ARHGAP32: variants seen among roughly 807,000 people sequenced by gnomAD.
The protein encoded by ARHGAP32 is Rho GTPase activating protein 32, also known as rho GTPase-activating protein 32.
A neutral mutation model predicts 186.5 loss-of-function variants in ARHGAP32; 51 were observed. The observed-to-expected ratio is 0.27, with a 90% CI of 0.22 to 0.35. ARHGAP32 has a LOEUF of 0.35. ARHGAP32 is among the 10% of genes least tolerant of loss of function. ARHGAP32 has a pLI of 1.00. For missense variants in ARHGAP32, 2,186 were observed against 2,623.5 expected, an observed-to-expected ratio of 0.83 and a Z score of 3.64; for synonymous variants, 950 against 964.3, an observed-to-expected ratio of 0.99 and a Z score of 0.27.
At chr11:129,168,358 A>G (rs1249604335) in intron 1 of ARHGAP32, among the ~76,000 whole-genome samples, 6 of 152,238 alleles carry the variant, frequency 3.9e-5, no homozygotes, top group Non-Finnish European at 7.3e-5. Context: ...CTAGCCAAAG[A>G]AGGCTAGCGT....
intron 1 of ARHGAP32, among the ~76,000 whole-genome samples, chr11:129,254,675 C>A (rs1455554263): frequency 6.6e-6 from 1 of 151,996 alleles, no homozygotes. Flanking sequence ...CCTGTTTCAC[C>A]TTTTTAAGCA....
intron 2 of ARHGAP32, among the ~76,000 whole-genome samples, chr11:129,144,117 T>C (rs1038116874): frequency 6.6e-6 from 1 of 152,220 alleles, no homozygotes; most frequent in East Asian, 1.9e-4. Context: ...CATGTGTGAA[T>C]ATCCGCAAAA....
intron 1 of ARHGAP32, among the ~76,000 whole-genome samples, chr11:129,218,703 A>T (rs1404505868): frequency 6.6e-6 from 1 of 152,076 alleles, no homozygotes; most frequent in African/African-American, 2.4e-5. Context: ...CGTCTGACGC[A>T]CTGGAGAACT....
chr11:129,128,497 G>A (rs928947880), intron 2 of ARHGAP32, among the ~76,000 whole-genome samples: 1 of 152,090 alleles, frequency 6.6e-6, no homozygotes, highest in African/African-American at 2.4e-5. Context: ...TCCCCTAGAT[G>A]ACATTATTAT....
intron 1 of ARHGAP32, among the ~76,000 whole-genome samples, chr11:129,209,375 T>C (rs1944552046): frequency 1.4e-5 from 2 of 147,694 alleles, no homozygotes; most frequent in African/African-American, 5.0e-5. Context: ...CTAAGGGCAA[T>C]AACAAGAAGA....
chr11:129,081,958 C>T (rs1941235364), intron 6 of ARHGAP32, among the ~76,000 whole-genome samples: 1 of 152,038 alleles, frequency 6.6e-6, no homozygotes, highest in African/African-American at 2.4e-5. Context: ...ACACCAACAG[C>T]AACCAAGCTG....
At chr11:129,092,182 C>T (rs1941595827) in intron 6 of ARHGAP32, among the ~76,000 whole-genome samples, 1 of 151,826 alleles carries the variant, frequency 6.6e-6, no homozygotes, top group Non-Finnish European at 1.5e-5. Context: ...ATATTTGGTA[C>T]CAAAATACCA....
At chr11:129,174,566 T>C (rs1231825581) in intron 1 of ARHGAP32, among the ~76,000 whole-genome samples, 1 of 152,282 alleles carries the variant, frequency 6.6e-6, no homozygotes, top group Middle Eastern at 3.4e-3. Context: ...AAGAGAGCAA[T>C]GCTTCTCCCA....
intron 5 of ARHGAP32, among the ~76,000 whole-genome samples, chr11:129,100,829 G>A (rs1010751549): frequency 6.6e-6 from 1 of 152,154 alleles, no homozygotes; most frequent in Non-Finnish European, 1.5e-5. Flanking sequence ...AACCAACAGA[G>A]GGCCTCCACC....
chr11:129,199,335 G>A (rs1944431147), intron 1 of ARHGAP32, among the ~76,000 whole-genome samples: 1 of 152,232 alleles, frequency 6.6e-6, no homozygotes, highest in Non-Finnish European at 1.5e-5. Flanking sequence ...GGTCATGTCA[G>A]AGATCTTTGT....
At chr11:129,249,941 G>A (rs1423576189) in intron 1 of ARHGAP32, among the ~76,000 whole-genome samples, 2 of 151,988 alleles carry the variant, frequency 1.3e-5, no homozygotes, top group Non-Finnish European at 2.9e-5. Flanking sequence ...GGCAGGGCGT[G>A]GTGGCTCACA....
chr11:129,209,349 C>T (rs373141151), intron 1 of ARHGAP32, among the ~76,000 whole-genome samples: 7 of 150,834 alleles, frequency 4.6e-5, no homozygotes, highest in Non-Finnish European at 7.4e-5. Context: ...CTGGATGGCA[C>T]GGAGTCTCTG....
intron 2 of ARHGAP32, chr11:129,125,739 G>T: frequency 4.8e-6 from 1 of 207,624 alleles, no homozygotes; most frequent in South Asian, 7.4e-5. Context: ...ATGAACTTAT[G>T]AGAATTAAAC....
chr11:129,133,344 T>A (rs1473053927), intron 2 of ARHGAP32, among the ~76,000 whole-genome samples: 2 of 151,940 alleles, frequency 1.3e-5, no homozygotes, highest in African/African-American at 2.4e-5. Context: ...AACACAATAA[T>A]ACAGGAAAAA....
chr11:129,196,608 T>G (rs1312584091), upstream of ARHGAP32, among the ~76,000 whole-genome samples: 1 of 152,202 alleles, frequency 6.6e-6, no homozygotes, highest in Non-Finnish European at 1.5e-5. Flanking sequence ...GAGCACTGAC[T>G]CTATATGCCA....
intron 11 of ARHGAP32, among the ~76,000 whole-genome samples, chr11:129,016,483 T>C (rs991407809): frequency 2.0e-5 from 3 of 152,236 alleles, no homozygotes; most frequent in African/African-American, 7.2e-5. Flanking sequence ...TATAATCAAC[T>C]ATTCTGCCAT....
At chr11:129,126,610 CAA>C (rs1172260406) in intron 2 of ARHGAP32, among the ~76,000 whole-genome samples, 1 of 151,890 alleles carries the variant, frequency 6.6e-6, no homozygotes, top group African/African-American at 2.4e-5. Flanking sequence ...AAGGTGGGTA[CAA>C]AGAGACAACA....
chr11:129,173,760 T>C (rs561506907), intron 1 of ARHGAP32, among the ~76,000 whole-genome samples: 1 of 152,306 alleles, frequency 6.6e-6, no homozygotes, highest in Admixed American at 6.5e-5. Context: ...TAATGAAAAT[T>C]ATTGAAAAAC....
At chr11:129,057,244 A>C (rs1002668708) in intron 10 of ARHGAP32, among the ~76,000 whole-genome samples, 1 of 152,084 alleles carries the variant, frequency 6.6e-6, no homozygotes, top group Non-Finnish European at 1.5e-5. Context: ...CCTTCCAGGG[A>C]ATCCTGGTGA....
Sources: gnomAD v4.1 joint callset for allele counts (sites outside exome capture counted in the v4.1 genomes callset) on GRCh38, gnomAD v4.1.1 for gene constraint, MANE v1.5 for transcripts, NCBI Gene and HGNC (gene_info 2026-07-23, HGNC 2026-07-21) for gene names.